TRIOBP: variants seen among roughly 807,000 people sequenced by gnomAD.
The protein encoded by TRIOBP is TRIO and F-actin binding protein, also known as TRIO and F-actin-binding protein.
A neutral mutation model predicts 238.8 loss-of-function variants in TRIOBP; 169 were observed. The ratio of observed to expected loss-of-function variants is 0.71; its 90% CI spans 0.62 to 0.80. The LOEUF is 0.80. Ranked by LOEUF, TRIOBP falls within the 30% of genes least tolerant of loss-of-function variation. The pLI, the probability that TRIOBP is intolerant of heterozygous loss-of-function variation, is 0.00. For missense variants in TRIOBP, 2,838 were observed against 3,122.6 expected, an observed-to-expected ratio of 0.91 and a Z score of 2.17; for synonymous variants, 1,150 against 1,274.4, an observed-to-expected ratio of 0.90 and a Z score of 2.08.
chr22:37,718,202 G>A (rs1302604540), intron 6 of TRIOBP, among the ~76,000 whole-genome samples: 3 of 152,192 alleles, frequency 2.0e-5, no homozygotes, highest in East Asian at 3.9e-4. Context: ...GCGCAGCCTC[G>A]GTTCCCGCTC....
intron 4 of TRIOBP, among the ~76,000 whole-genome samples, chr22:37,711,418 A>AGTATAG (rs1923228483): frequency 6.6e-6 from 1 of 151,954 alleles, no homozygotes; most frequent in Non-Finnish European, 1.5e-5. Flanking sequence ...GTCTCTACTA[A>AGTATAG]CTATACAAAA....
intron 5 of TRIOBP, among the ~76,000 whole-genome samples, chr22:37,714,585 C>T (rs1923422826): frequency 6.6e-6 from 1 of 152,048 alleles, no homozygotes; most frequent in African/African-American, 2.4e-5. Context: ...AGGAGAATCG[C>T]TTGAACCCGG....
At position 37,734,733 on chromosome 22, in the gene TRIOBP, G is replaced by A. The variant is rs371950287; in HGVS notation, c.4397G>A (p.Ser1466Asn). 6.2e-7 allele frequency: 1 copy of A among 1,610,602 alleles called. No homozygotes were observed. ...GGCTGGTGGGGATGTGGAGAGCCCA[G>A]CCTGGGGGCAGCCAAAGCCCCGGAG... Reference protein sequence around the residue: ...PGGWWGCGEPSLGAAKAPEGA... With the variant: ...PGGWWGCGEPNLGAAKAPEGA... Residue 1466 changes from serine to asparagine, a missense_variant, in exon 9 of 24, where the codon AGC becomes AAC. Ser to Asn is a conservative substitution (Grantham distance 46, BLOSUM62 1). Around this residue, in one of 5 missense-constraint regions of TRIOBP, gnomAD observed 2,096 missense variants for 2,137.4 expected, o/e 0.98. Transcript: ENST00000644935.
Position 37,751,837 on chromosome 22 carries a change from A to G in TRIOBP, c.5379+9A>G, listed in dbSNP as rs1231094493. The G allele has an allele frequency of 1.2e-6, 2 of 1,611,738 alleles. No individual in the cohort carries two copies. The highest frequency in any genetic ancestry group is 3.3e-5 in the Admixed American group (2 of 59,926). On this transcript the variant is annotated intron_variant, in intron 12 of 23. Transcript: ENST00000644935. ...TGGACGAGCCTGGAGAGGTAAGAGGACTGAGGCCGGAGGGGAGGAAGCTGG... is the reference window on the plus strand; with the variant it reads ...TGGACGAGCCTGGAGAGGTAAGAGGGCTGAGGCCGGAGGGGAGGAAGCTGG...
intron 2 of TRIOBP, among the ~76,000 whole-genome samples, chr22:37,698,063 G>A (rs985669499): frequency 1.3e-5 from 2 of 151,796 alleles, no homozygotes; most frequent in Non-Finnish European, 2.9e-5. Context: ...ATCCGGGCAT[G>A]GTGGCACATG....
At chr22:37,752,507 C>T (rs1331707304) in intron 12 of TRIOBP, among the ~76,000 whole-genome samples, 1 of 152,346 alleles carries the variant, frequency 6.6e-6, no homozygotes, top group East Asian at 1.9e-4. Context: ...ACTGCCTGGG[C>T]AGGAGCGTCT....
rs963145120 is a variant in TRIOBP, at chr22:37,775,042, AGC to A, written c.*1264_*1265del. 7 of 152,454 alleles carry A rather than the reference AGC, an allele frequency of 4.6e-5. No homozygotes were observed. Among genetic ancestry groups the A allele is most frequent in the African/African-American group, 1.7e-4 (7 of 41,566 alleles). 9.4% of individuals were successfully genotyped at this position (152,454 alleles called of 1,614,324 possible). ...GGTTGTGGCTGCCAGGCACAGGTCC[AGC>A]GGGCTGGGAGTCCTCACCATGGCTG... is the stretch of plus-strand genomic sequence containing the variant. On this transcript the variant is annotated 3_prime_UTR_variant, in exon 24 of 24. Transcript: ENST00000644935.
intron 11 of TRIOBP, chr22:37,750,560 G>A (rs548726393): frequency 1.1e-5 from 5 of 448,216 alleles, no homozygotes; most frequent in Middle Eastern, 3.4e-4. Context: ...AAGACGGGGT[G>A]GGCAGAATAC....
chr22:37,716,349 T>C (rs554555673), intron 6 of TRIOBP, among the ~76,000 whole-genome samples: 11 of 152,198 alleles, frequency 7.2e-5, no homozygotes, highest in African/African-American at 2.6e-4. Context: ...CAACCTTCAG[T>C]GATCTGCCCA....
At chr22:37,701,004 T>G (rs1922616038) in intron 2 of TRIOBP, among the ~76,000 whole-genome samples, 1 of 152,196 alleles carries the variant, frequency 6.6e-6, no homozygotes, top group Non-Finnish European at 1.5e-5. Flanking sequence ...GTATCTGCAT[T>G]TTTATGAACA....
chr22:37,701,309 T>C lies in TRIOBP; in HGVS notation c.-57T>C. 7.0e-7 allele frequency: 1 copy of C among 1,431,306 alleles called. No individual in the cohort carries two copies. The allele number at this position is 1,431,306 out of a possible 1,614,324, so 88.7% of individuals were successfully genotyped here. A position where few individuals can be genotyped will look rare whatever the true frequency, so the allele number is the denominator to read the frequency against. ...GCCTCCCCCTCATTTTTGCCAGGCCTCACATAGACGGTCAGCCATTGGATC... is the reference window on the plus strand; with the variant it reads ...GCCTCCCCCTCATTTTTGCCAGGCCCCACATAGACGGTCAGCCATTGGATC... On this transcript the variant is annotated 5_prime_UTR_variant, in exon 3 of 24. Coordinates refer to ENST00000644935, the MANE Select transcript of TRIOBP (RefSeq NM_001039141.3).
chr22:37,712,997 T>TAAATAAAA (rs974331961), intron 4 of TRIOBP, among the ~76,000 whole-genome samples: 2 of 144,194 alleles, frequency 1.4e-5, no homozygotes, highest in African/African-American at 5.4e-5. Flanking sequence ...AATAAATAAA[T>TAAATAAAA]AATAAAATTA....
At chr22:37,703,526 A>T (rs1451916017) in intron 3 of TRIOBP, among the ~76,000 whole-genome samples, 4 of 128,162 alleles carry the variant, frequency 3.1e-5, no homozygotes, top group Non-Finnish European at 6.4e-5. Context: ...TTTTTTTGAG[A>T]CAGAGTCTCG....
At chr22:37,743,313 C>T (rs925999881) in intron 11 of TRIOBP, among the ~76,000 whole-genome samples, 1 of 152,244 alleles carries the variant, frequency 6.6e-6, no homozygotes, top group African/African-American at 2.4e-5. Flanking sequence ...TGGCACCTAA[C>T]TTGTGTGCCC....
intron 3 of TRIOBP, among the ~76,000 whole-genome samples, chr22:37,708,615 C>G (rs746173677): frequency 2.0e-5 from 3 of 152,228 alleles, no homozygotes; most frequent in Non-Finnish European, 2.9e-5. Context: ...GGAGGTGGGT[C>G]CTGCTATCCT....
rs1283307787 is a variant in TRIOBP at position 37,746,451 on chromosome 22, A to T, written c.5323-5321A>T. 2.1e-6 allele frequency: 3 copies of T among 1,418,588 alleles called. No homozygotes were observed. In the Admixed American group the frequency reaches 6.8e-5, roughly 32 times the overall value. 87.9% of individuals were successfully genotyped at this position (1,418,588 alleles called of 1,614,324 possible). A position where few individuals can be genotyped will look rare whatever the true frequency, so the allele number is the denominator to read the frequency against. ...TGCCCCAGTCAGCCGCCCGCGCCCG[A>T]GGCCGGGAGAAGGGCGACGACCCGA... On this transcript the variant is annotated intron_variant, in intron 11 of 23. Coordinates refer to ENST00000644935, the MANE Select transcript of TRIOBP (RefSeq NM_001039141.3).
At chr22:37,730,622 G>A (rs1232267739) in intron 7 of TRIOBP, among the ~76,000 whole-genome samples, 2 of 152,116 alleles carry the variant, frequency 1.3e-5, no homozygotes, top group Admixed American at 6.6e-5. Context: ...CTCTCACAGA[G>A]TAAGGAAACG....
In TRIOBP at chr22:37,775,230, A is replaced by G. The variant is rs1926974159; in HGVS notation, c.*1450A>G. ...CTGCCTTTGGAGGCAGCTTTGAAAGATGACTCTTCCAGATGGAAGAATCAG... is the reference window on the plus strand; with the variant it reads ...CTGCCTTTGGAGGCAGCTTTGAAAGGTGACTCTTCCAGATGGAAGAATCAG... On this transcript the variant is annotated 3_prime_UTR_variant, in exon 24 of 24. Coordinates refer to ENST00000644935, the MANE Select transcript of TRIOBP (RefSeq NM_001039141.3). The G allele has an allele frequency of 6.6e-6, 1 of 152,206 alleles. No homozygotes were observed. The highest frequency in any genetic ancestry group is 6.5e-5 in the Admixed American group (1 of 15,280). The allele number at this position is 152,206 out of a possible 1,614,324, so 9.4% of individuals were successfully genotyped here.
At chr22:37,731,127 AAAAAACTCC>A (rs1478614164) in intron 7 of TRIOBP, among the ~76,000 whole-genome samples, 1 of 151,934 alleles carries the variant, frequency 6.6e-6, no homozygotes, top group Admixed American at 6.6e-5. Context: ...ATGAAACAAC[AAAAAACTCC>A]AACCCCATAC....
Sources: gnomAD v4.1 joint callset for allele counts (sites outside exome capture counted in the v4.1 genomes callset) on GRCh38, gnomAD v4.1.1 for gene constraint, gnomAD v4.1.1 regional missense constraint, MANE v1.5 for transcripts, NCBI Gene and HGNC (gene_info 2026-07-23, HGNC 2026-07-21) for gene names.